Variants in C4orf50 observed in about 807,000 individuals in gnomAD.
C4orf50 encodes chromosome 4 open reading frame 50.
In C4orf50, 80 loss-of-function variants were observed where a neutral mutation model predicts 77.2. The observed-to-expected ratio is 1.04, with a 90% CI of 0.87 to 1.25. C4orf50 has a LOEUF of 1.25. C4orf50 is among the 50% of genes most tolerant of loss of function. C4orf50 has a pLI of 0.00. For missense variants in C4orf50, 1,257 were observed against 1,152.9 expected, an observed-to-expected ratio of 1.09 and a Z score of -1.31; for synonymous variants, 532 against 465.3, an observed-to-expected ratio of 1.14 and a Z score of -1.84.
Position 5,965,080 on chromosome 4 carries a change from A to G in C4orf50, c.4219T>C (p.Trp1407Arg), listed in dbSNP as rs139844444. 3.5e-5 allele frequency: 57 copies of G among 1,613,698 alleles called. No individual in the cohort carries two copies. In the African/African-American group the frequency reaches 6.8e-4, roughly 19 times the overall value. The change falls in exon 33 of 34, where the codon TGG becomes CGG. Residue 1407 changes from tryptophan (W) to arginine (R), a missense_variant. Coordinates refer to ENST00000531445, the Ensembl canonical transcript of C4orf50. ...GGCCACTCCGGCTCGGGAATAGGCC[A>G]GGACTCTGAAGACAATGAGCTTTGG...
chr4:5,985,608 A>T (rs919951061), intron 28 of C4orf50, among the ~76,000 whole-genome samples: 3 of 152,096 alleles, frequency 2.0e-5, no homozygotes, highest in African/African-American at 7.2e-5. Context: ...TACCAAAAAC[A>T]AAGGGAGGAA....
intron 7 of C4orf50, among the ~76,000 whole-genome samples, chr4:5,912,880 A>T (rs1716870114): frequency 6.6e-6 from 1 of 152,178 alleles, no homozygotes; most frequent in African/African-American, 2.4e-5. Context: ...TGGGCCTGGG[A>T]TGACATGTGG....
chr4:5,951,326 A>G (rs115140797), intron 7 of C4orf50, among the ~76,000 whole-genome samples: 2,080 of 98,952 alleles, frequency 0.021, 22 homozygotes, highest in Non-Finnish European at 0.027. Context: ...AGCCACCTGC[A>G]TTGAGGGAAT....
chr4:6,002,117 AG>A (rs1341403354), intron 25 of C4orf50, among the ~76,000 whole-genome samples: 1 of 152,226 alleles, frequency 6.6e-6, no homozygotes, highest in African/African-American at 2.4e-5. Flanking sequence ...AATTAAGGTG[AG>A]GCCATACTGG....
chr4:5,984,210 T>C (rs1204424787), intron 28 of C4orf50, among the ~76,000 whole-genome samples: 6 of 152,216 alleles, frequency 3.9e-5, no homozygotes, highest in African/African-American at 7.2e-5. Flanking sequence ...AGAATAAAAT[T>C]CACTCAACAT....
rs1399784596 is a variant in C4orf50, at chr4:6,015,087, T to C, written c.287+3058A>G. Among the ~76,000 whole-genome samples the C allele has an allele frequency of 6.6e-6, 1 of 152,218 alleles. No homozygotes were observed. The highest frequency in any genetic ancestry group is 1.5e-5 in the Non-Finnish European group (1 of 68,044). ...ACAACCCTGTATGGGCCTACGCTGC[T>C]AGTCTCTCAGCCCAGGGCCCTGCCT... On this transcript the variant is annotated intron_variant, in intron 23 of 33. Coordinates refer to ENST00000531445, the Ensembl canonical transcript of C4orf50. The surrounding 1 kb of genome is among the most constrained non-coding windows in gnomAD (Gnocchi z 4.4).
intron 33 of C4orf50, among the ~76,000 whole-genome samples, chr4:5,960,488 C>A (rs1719212609): frequency 6.6e-6 from 1 of 152,222 alleles, no homozygotes; most frequent in African/African-American, 2.4e-5. Flanking sequence ...ATGAGCAGGG[C>A]CTTTTGCCTC....
intron 7 of C4orf50, among the ~76,000 whole-genome samples, chr4:5,915,730 A>G (rs1396230818): frequency 6.6e-6 from 1 of 152,226 alleles, no homozygotes; most frequent in Non-Finnish European, 1.5e-5. Flanking sequence ...ATGAGTGGGT[A>G]ATAAACACGT....
exon 28 of C4orf50, chr4:5,990,142 G>A: frequency 1.6e-6 from 2 of 1,263,822 alleles, no homozygotes; most frequent in South Asian, 7.3e-5. Context: ...ACCCTCCTTT[G>A]ATACTGAGGC....
At chr4:5,942,574 A>G (rs1279390796) in intron 7 of C4orf50, among the ~76,000 whole-genome samples, 2 of 152,266 alleles carry the variant, frequency 1.3e-5, no homozygotes, top group Non-Finnish European at 2.9e-5. Context: ...TCAAATATTT[A>G]GTGAAAACTT....
intron 31 of C4orf50, among the ~76,000 whole-genome samples, chr4:5,973,009 G>A (rs1720023328): frequency 2.0e-5 from 3 of 152,310 alleles, no homozygotes; most frequent in South Asian, 2.1e-4. Flanking sequence ...CATTCATTTG[G>A]TTCATTATTT....
At chr4:5,995,587 C>T (rs557198594) in intron 25 of C4orf50, among the ~76,000 whole-genome samples, 1 of 152,250 alleles carries the variant, frequency 6.6e-6, no homozygotes, top group South Asian at 2.1e-4. Context: ...GCCCTGGCTG[C>T]TTCCACTGCA....
Position 5,992,665 on chromosome 4 carries a change from C to A in C4orf50, c.1221+138G>T, listed in dbSNP as rs73212659. Reference sequence around the variant, plus strand: ...TCCTCTCCTCAAATCTCTCTCTCAACTACTTCCAGAATGTTCTCCCAGACC... The same window carrying A: ...TCCTCTCCTCAAATCTCTCTCTCAAATACTTCCAGAATGTTCTCCCAGACC... On this transcript the variant is annotated intron_variant, in intron 27 of 33. Transcript: ENST00000531445. The surrounding 1 kb of genome is among the most constrained non-coding windows in gnomAD (Gnocchi z 5.0). 62,663 of 375,718 alleles carry A rather than the reference C, an allele frequency of 0.17. 5,864 individuals carry two copies. The highest frequency in any genetic ancestry group is 0.21 in the Middle Eastern group (316 of 1,476). The allele number at this position is 375,718 out of a possible 1,614,324, so 23.3% of individuals were successfully genotyped here.
At chr4:5,987,578 GAGAGACAA>G (rs1720946582) in intron 28 of C4orf50, among the ~76,000 whole-genome samples, 1 of 150,100 alleles carries the variant, frequency 6.7e-6, no homozygotes, top group African/African-American at 2.5e-5. Flanking sequence ...AGAAGGAAGA[GAGAGACAA>G]AGAGAGAAAG....
intron 7 of C4orf50, among the ~76,000 whole-genome samples, chr4:5,937,095 G>A (rs1718060420): frequency 6.6e-6 from 1 of 151,666 alleles, no homozygotes; most frequent in Admixed American, 6.6e-5. Flanking sequence ...CTTGCTAAAA[G>A]AATACTAGTA....
intron 27 of C4orf50, among the ~76,000 whole-genome samples, chr4:5,991,128 C>T (rs1229544778): frequency 3.3e-5 from 5 of 152,210 alleles, no homozygotes; most frequent in Non-Finnish European, 7.3e-5. Flanking sequence ...TCGGGCCATC[C>T]ACCCTATGTC....
At chr4:5,939,365 C>G (rs1438605125) in intron 7 of C4orf50, among the ~76,000 whole-genome samples, 1 of 152,202 alleles carries the variant, frequency 6.6e-6, no homozygotes, top group African/African-American at 2.4e-5. Context: ...TTTCCCATCT[C>G]TTTCAATCTT....
chr4:5,987,640 G>A (rs1720950094), intron 28 of C4orf50, among the ~76,000 whole-genome samples: 1 of 151,716 alleles, frequency 6.6e-6, no homozygotes. Flanking sequence ...ACAGAAAGAT[G>A]GAGAAGGAGA....
chr4:5,967,912 C>T (rs1056693735), intron 31 of C4orf50, among the ~76,000 whole-genome samples: 5 of 152,178 alleles, frequency 3.3e-5, no homozygotes, highest in East Asian at 1.9e-4. Context: ...CCGCATTGCA[C>T]GGGGCAGGTG....
Sources: allele counts gnomAD v4.1 joint callset (sites outside exome capture counted in the v4.1 genomes callset), GRCh38; gene constraint gnomAD v4.1.1; non-coding constraint Gnocchi (gnomAD v3.1); transcripts MANE v1.5; gene names NCBI Gene and HGNC (gene_info 2026-07-23, HGNC 2026-07-21).